The following THRB variants were observed in gnomAD, a reference collection of about 807,000 sequenced individuals.
The protein encoded by THRB is thyroid hormone receptor beta.
In THRB, 12 loss-of-function variants were observed where a neutral mutation model predicts 47.8. The observed-to-expected ratio is 0.25, with a 90% CI of 0.16 to 0.41. THRB has a LOEUF of 0.41. THRB is among the 10% of genes least tolerant of loss of function. THRB has a pLI of 1.00. For synonymous variants in THRB, 218 were observed against 212.2 expected (o/e 1.03, Z -0.24); for missense variants, 348 against 589.2 (o/e 0.59, Z 4.24).
At chr3:24,387,021 T>C (rs2066176245) in intron 1 of THRB, among the ~76,000 whole-genome samples, 1 of 152,136 alleles carries the variant, frequency 6.6e-6, no homozygotes, top group South Asian at 2.1e-4. Context: ...GCCACATCAA[T>C]TGGAATTAAT....
intron 5 of THRB, among the ~76,000 whole-genome samples, chr3:24,152,870 G>A (rs1163798770): frequency 6.6e-6 from 1 of 151,490 alleles, no homozygotes; most frequent in African/African-American, 2.4e-5. Flanking sequence ...GCTGAGGCAA[G>A]ATAATCACTT....
chr3:24,487,236 TA>T (rs971407391), intron 1 of THRB, among the ~76,000 whole-genome samples: 40 of 152,176 alleles, frequency 2.6e-4, no homozygotes, highest in African/African-American at 8.9e-4. Context: ...TGAACTGTAT[TA>T]AAAGGTTAAA....
intron 5 of THRB, among the ~76,000 whole-genome samples, chr3:24,174,914 A>G (rs921657939): frequency 6.6e-6 from 1 of 152,202 alleles, no homozygotes; most frequent in Non-Finnish European, 1.5e-5. Flanking sequence ...GCATGCAAAT[A>G]CCATATTTAT....
intron 5 of THRB, among the ~76,000 whole-genome samples, chr3:24,162,254 C>A (rs1161352264): frequency 6.6e-6 from 1 of 151,716 alleles, no homozygotes; most frequent in Non-Finnish European, 1.5e-5. Flanking sequence ...GAGCAGAAAG[C>A]ACAACAAATA....
chr3:24,332,364 G>A (rs2061981438), intron 2 of THRB, among the ~76,000 whole-genome samples: 1 of 152,088 alleles, frequency 6.6e-6, no homozygotes, highest in African/African-American at 2.4e-5. Flanking sequence ...CCCCTGCTTT[G>A]GAGAAAAAAA....
At position 24,413,258 on chromosome 3, in the gene THRB, T is replaced by A. The variant is rs192333524; in HGVS notation, c.-260-75887A>T. On this transcript the variant is annotated intron_variant, in intron 1 of 10. Transcript: ENST00000646209. ...CATTTGAAAAGATATTTGCAAAGAA[T>A]TTTAATAAAATGAAAACATTCTTGT... Among the ~76,000 whole-genome samples the A allele has an allele frequency of 6.6e-5, 10 of 152,058 alleles. No homozygotes were observed. In the East Asian group the frequency reaches 2.0e-3, roughly 30 times the overall value.
At chr3:24,214,431 C>A (rs1402150252) in intron 4 of THRB, among the ~76,000 whole-genome samples, 1 of 152,186 alleles carries the variant, frequency 6.6e-6, no homozygotes, top group Admixed American at 6.5e-5. Flanking sequence ...AAAAAATAGG[C>A]AGGCTATCAA....
intron 4 of THRB, among the ~76,000 whole-genome samples, chr3:24,227,997 TA>T (rs1178624702): frequency 6.6e-6 from 1 of 152,194 alleles, no homozygotes; most frequent in Non-Finnish European, 1.5e-5. Flanking sequence ...TGCTAACATC[TA>T]AAATTTGGGA....
chr3:24,340,453 C>A (rs1369416427), intron 1 of THRB, among the ~76,000 whole-genome samples: 2 of 151,570 alleles, frequency 1.3e-5, no homozygotes, highest in African/African-American at 4.8e-5. Flanking sequence ...TCATATGAAG[C>A]CTGAGCTAGA....
At chr3:24,435,318 G>C (rs1368924022) in intron 1 of THRB, among the ~76,000 whole-genome samples, 1 of 152,146 alleles carries the variant, frequency 6.6e-6, no homozygotes, top group Non-Finnish European at 1.5e-5. Flanking sequence ...GCAAAGTAAG[G>C]CAAGGAAGCA....
At chr3:24,414,298 G>A (rs1392796878) in intron 1 of THRB, among the ~76,000 whole-genome samples, 1 of 151,908 alleles carries the variant, frequency 6.6e-6, no homozygotes, top group African/African-American at 2.4e-5. Flanking sequence ...ATCACTCCCA[G>A]TGTTAAGCAT....
chr3:24,347,784 A>G (rs2063117396), intron 1 of THRB, among the ~76,000 whole-genome samples: 1 of 152,038 alleles, frequency 6.6e-6, no homozygotes, highest in Admixed American at 6.6e-5. Flanking sequence ...AAAAAATAAT[A>G]AAAATGTGAA....
chr3:24,132,004 G>C (rs1391369896), intron 9 of THRB, among the ~76,000 whole-genome samples: 1 of 152,142 alleles, frequency 6.6e-6, no homozygotes, highest in Non-Finnish European at 1.5e-5. Context: ...TCTGGGTATG[G>C]CTTCTGTGGA....
intron 9 of THRB, among the ~76,000 whole-genome samples, chr3:24,130,166 C>T (rs1404309976): frequency 6.6e-6 from 1 of 152,158 alleles, no homozygotes. Context: ...ACCATCCCGC[C>T]ACCATTGTCT....
chr3:24,158,448 G>A, intron 5 of THRB, among the ~76,000 whole-genome samples: 1 of 147,018 alleles, frequency 6.8e-6, no homozygotes, highest in East Asian at 2.1e-4. Context: ...GGAGGGTGGG[G>A]GACGAGTTTC....
intron 4 of THRB, among the ~76,000 whole-genome samples, chr3:24,210,673 C>G (rs1280471997): frequency 6.6e-6 from 1 of 152,184 alleles, no homozygotes; most frequent in Non-Finnish European, 1.5e-5. Flanking sequence ...CGCTGGGCTA[C>G]CTGGCACTGG....
chr3:24,122,926 T>A lies in THRB; in HGVS notation c.1344A>T (p.Thr448=). ...RFLHMKVECP[T]ELFPPLFLEV... ...CCAAGAACAAAGGGGGGAAGAGTTC[T>A]GTGGGGCATTCCACCTTCATGTGCA... Residue 448 remains threonine, a synonymous_variant, in exon 11 of 11, where the codon ACA becomes ACT. Transcript: ENST00000646209. The A allele has an allele frequency of 6.2e-7, 1 of 1,614,190 alleles. No individual in the cohort carries two copies. The highest frequency in any genetic ancestry group is 8.5e-7 in the Non-Finnish European group (1 of 1,180,030).
At chr3:24,179,452 A>G (rs1323427897) in intron 5 of THRB, among the ~76,000 whole-genome samples, 1 of 152,260 alleles carries the variant, frequency 6.6e-6, no homozygotes, top group East Asian at 1.9e-4. Flanking sequence ...GAATGAGAAA[A>G]GAAATATGGT....
chr3:24,205,971 C>T (rs2045294142), intron 4 of THRB, among the ~76,000 whole-genome samples: 1 of 152,164 alleles, frequency 6.6e-6, no homozygotes, highest in Non-Finnish European at 1.5e-5. Context: ...TATATATGCA[C>T]CTAATACAGG....
Sources: allele counts gnomAD v4.1 joint callset (sites outside exome capture counted in the v4.1 genomes callset), GRCh38; gene constraint gnomAD v4.1.1; transcripts MANE v1.5; gene names NCBI Gene and HGNC (gene_info 2026-07-23, HGNC 2026-07-21).